Variants in CSF2RA observed in about 807,000 individuals in gnomAD.
CSF2RA encodes the protein colony stimulating factor 2 receptor subunit alpha, also known as granulocyte-macrophage colony-stimulating factor receptor subunit alpha.
CSF2RA carries 42 observed loss-of-function variants against 51.6 expected under a neutral mutation model. The observed-to-expected ratio is 0.81, with a 90% confidence interval of 0.64 to 1.05. CSF2RA has a LOEUF of 1.05. Among genes scored for constraint, CSF2RA ranks in the 50% least tolerant of loss-of-function variants. The pLI is 0.00. For missense variants in CSF2RA, 530 were observed against 501.1 expected (o/e 1.06, Z -0.55); for synonymous variants, 222 against 193.0 (o/e 1.15, Z -1.24).
rs1446528251 is a variant in CSF2RA at position 1,278,618 on chromosome X, G to A, written c.-27+3800G>A. On this transcript the variant is annotated intron_variant, in intron 2 of 12. Transcript: ENST00000381529. The stretch of plus-strand genomic sequence containing the variant: ...GTAGAATTGCTTCAACTTGGGAGAC[G>A]GAGGTTGCAGTGAGCCGAGATGGCA... Among the ~76,000 whole-genome samples the A allele has an allele frequency of 4.8e-3, 695 of 144,694 alleles. 15 individuals are homozygous for A. Among genetic ancestry groups the A allele is most frequent in the African/African-American group, 0.017 (667 of 39,056 alleles). 94.9% of individuals were successfully genotyped at this position (144,694 alleles called of 152,430 possible). A position where few individuals can be genotyped will look rare whatever the true frequency, so the allele number is the denominator to read the frequency against.
the CSF2RA span, among the ~76,000 whole-genome samples, chrX:1,316,013 T>TAC: frequency 8.3e-6 from 1 of 120,406 alleles, no homozygotes; most frequent in African/African-American, 3.1e-5. Flanking sequence ...GATAGATAGA[T>TAC]ATATAGATAG....
chrX:1,291,767 GGACCCAGTGTA>G (rs2091424104), intron 7 of CSF2RA, among the ~76,000 whole-genome samples: 5 of 150,060 alleles, frequency 3.3e-5, no homozygotes, highest in Non-Finnish European at 7.4e-5. Flanking sequence ...ACCTCCACCT[GGACCCAGTGTA>G]GACAAAGAGG....
rs374606414 is a variant in CSF2RA at position 1,285,701 on chromosome X, CAAAAAAAAAAAAAAAAAAA to C, written c.77-65_77-47del. ...TGGGAGACAAAGCCAGACTCCGTCT[CAAAAAAAAAAAAAAAAAAA>C]AAAAAAAAAAAGGAAAAGAAAAGAG... On this transcript the variant is annotated intron_variant, in intron 3 of 12. Transcript: ENST00000381529. 1.5e-5 allele frequency: 13 copies of C among 873,868 alleles called. No individual in the cohort carries two copies. The South Asian group carries it at 1.7e-4, about 12-fold the overall frequency. 54.1% of individuals were successfully genotyped at this position (873,868 alleles called of 1,614,324 possible).
chrX:1,325,084 T>C, the CSF2RA span, among the ~76,000 whole-genome samples: 1 of 151,264 alleles, frequency 6.6e-6, no homozygotes, highest in Non-Finnish European at 1.5e-5. Context: ...AAACATACTT[T>C]GCGCCGTGGC....
At chrX:1,289,860 T>C (rs1175437769) in intron 6 of CSF2RA, among the ~76,000 whole-genome samples, 1 of 150,254 alleles carries the variant, frequency 6.7e-6, no homozygotes, top group African/African-American at 2.4e-5. Context: ...TTTTGTGTTT[T>C]TGTTTTGTGT....
chrX:1,295,478 A>G, intron 9 of CSF2RA, 22 bp downstream of exon 9: 1 of 1,613,234 alleles, frequency 6.2e-7, no homozygotes, highest in South Asian at 1.1e-5. Flanking sequence ...CACAGACCCT[A>G]CTGACAACCC....
At chrX:1,285,710 A>C in intron 3 of CSF2RA, 68 bp from the exon 4 acceptor site, 4 of 954,098 alleles carry the variant, frequency 4.2e-6, no homozygotes, top group Non-Finnish European at 5.7e-6. Flanking sequence ...TCAAAAAAAA[A>C]AAAAAAAAAA....
At position 1,303,916 on chromosome X, in the gene CSF2RA, T is replaced by C; in HGVS notation, c.947-7T>C. 1 of 1,607,576 alleles carries C rather than the reference T, an allele frequency of 6.2e-7. No individual in the cohort carries two copies. The highest frequency in any genetic ancestry group is 1.7e-5 in the Admixed American group (1 of 59,954). On this transcript the variant is annotated splice_polypyrimidine_tract_variant and splice_region_variant and intron_variant, in intron 10 of 12. Coordinates refer to ENST00000381529, the MANE Select transcript of CSF2RA (RefSeq NM_172245.4). ...CACCGCAGACGCAAACCTGTGTGTC[T>C]CTCCAGGTTCTGACGACGGGAACCT...
chrX:1,311,488 C>T (rs1364614973), downstream of CSF2RA, among the ~76,000 whole-genome samples: 13 of 151,478 alleles, frequency 8.6e-5, no homozygotes, highest in Admixed American at 3.9e-4. Context: ...GGCTGGAGTG[C>T]AGTGGCACAA....
intron 12 of CSF2RA, chrX:1,305,883 C>G: frequency 8.5e-7 from 1 of 1,172,630 alleles, no homozygotes; most frequent in Non-Finnish European, 1.2e-6. Context: ...AGGTTCGAGA[C>G]CAGCCTGGCC....
Position 1,309,547 on chromosome X carries a change from T to G in CSF2RA, c.*68T>G. On this transcript the variant is annotated 3_prime_UTR_variant, in exon 13 of 13. Coordinates refer to ENST00000381529, the MANE Select transcript of CSF2RA (RefSeq NM_172245.4). ...CGACACGGGGGAACTGTTTTCTTGA[T>G]GATGCTGTGAACCTTTATATCATTT... 6.2e-7 allele frequency: 1 copy of G among 1,614,016 alleles called. No individual in the cohort carries two copies. The highest frequency in any genetic ancestry group is 8.5e-7 in the Non-Finnish European group (1 of 1,179,878).
At chrX:1,277,411 C>G (rs778797622) in intron 2 of CSF2RA, among the ~76,000 whole-genome samples, 1 of 150,104 alleles carries the variant, frequency 6.7e-6, no homozygotes, top group Non-Finnish European at 1.5e-5. Flanking sequence ...GCCTGACCAA[C>G]ATGGTGAAAC....
the CSF2RA span, among the ~76,000 whole-genome samples, chrX:1,321,574 CAAA>C: frequency 3.5e-5 from 4 of 114,224 alleles, no homozygotes; most frequent in African/African-American, 3.1e-5. Flanking sequence ...GACTCCATCT[CAAA>C]AAAAAAAAAA....
At chrX:1,316,080 A>ATAG in the CSF2RA span, among the ~76,000 whole-genome samples, 19 of 65,984 alleles carry the variant, frequency 2.9e-4, no homozygotes, top group East Asian at 2.1e-3. Flanking sequence ...AGATAGATAG[A>ATAG]ATAGATAAAT....
intron 2 of CSF2RA, among the ~76,000 whole-genome samples, chrX:1,275,708 A>C (rs773268635): frequency 6.7e-6 from 1 of 150,102 alleles, no homozygotes. Flanking sequence ...ACAGGCGCCC[A>C]CCACCATGCC....
intron 12 of CSF2RA, 37 bp from the exon 13 acceptor site, chrX:1,309,365 G>C: frequency 6.3e-7 from 1 of 1,596,076 alleles, no homozygotes; most frequent in Non-Finnish European, 8.6e-7. Context: ...GGCTGAGCTC[G>C]TGAAGATCTG....
At position 1,295,313 on chromosome X, in the gene CSF2RA, G is replaced by A. The variant is rs1442357549; in HGVS notation, c.781-114G>A. ...TGGAGGGAGACCTGCCTGCCACTCC[G>A]CAGGGACTCCTTCCCATTCGGTGCC... is the stretch of plus-strand genomic sequence containing the variant. On this transcript the variant is annotated intron_variant, in intron 8 of 12. Coordinates refer to ENST00000381529, the MANE Select transcript of CSF2RA (RefSeq NM_172245.4). 132 of 1,360,046 alleles carry A rather than the reference G, an allele frequency of 9.7e-5. 1 individual carries two copies. In the East Asian group the frequency reaches 2.7e-3, roughly 27 times the overall value. The allele number at this position is 1,360,046 out of a possible 1,614,324, so 84.2% of individuals were successfully genotyped here. A position where few individuals can be genotyped will look rare whatever the true frequency, so the allele number is the denominator to read the frequency against.
the CSF2RA span, among the ~76,000 whole-genome samples, chrX:1,324,526 G>C: frequency 7.9e-6 from 1 of 126,968 alleles, no homozygotes; most frequent in African/African-American, 2.9e-5. Flanking sequence ...AGAAGGAAGG[G>C]AGGGAGGGAG....
At chrX:1,286,858 G>C (rs1481364232) in intron 4 of CSF2RA, among the ~76,000 whole-genome samples, 1 of 152,116 alleles carries the variant, frequency 6.6e-6, no homozygotes, top group African/African-American at 2.4e-5. Flanking sequence ...CAGTCACGTT[G>C]TCAGTGTGTC....
Sources: gnomAD v4.1 joint callset for allele counts (sites outside exome capture counted in the v4.1 genomes callset) on GRCh38, gnomAD v4.1.1 for gene constraint, MANE v1.5 for transcripts, NCBI Gene and HGNC (gene_info 2026-07-23, HGNC 2026-07-21) for gene names.